The following RGPD1 variants were observed in gnomAD, a reference collection of about 807,000 sequenced individuals.
RGPD1 encodes RANBP2-like and GRIP domain-containing protein 1.
A neutral mutation model predicts 40.6 loss-of-function variants in RGPD1; 7 were observed. The observed-to-expected ratio is 0.17, with a 90% CI of 0.10 to 0.32. RGPD1 has a LOEUF of 0.32. RGPD1 is among the 10% of genes least tolerant of loss of function. The pLI, the probability that RGPD1 is intolerant of heterozygous loss-of-function variation, is 1.00. For synonymous variants in RGPD1, 24 were observed against 167.0 expected, an observed-to-expected ratio of 0.14 and a Z score of 6.60; for missense variants, 50 against 472.5, an observed-to-expected ratio of 0.11 and a Z score of 8.29.
At chr2:86,931,277 A>C (rs1444166175) in intron 1 of RGPD1, among the ~76,000 whole-genome samples, 1 of 151,238 alleles carries the variant, frequency 6.6e-6, no homozygotes, top group Non-Finnish European at 1.5e-5. Context: ...CAAACTACTC[A>C]CCCCCATATT....
intron 1 of RGPD1, among the ~76,000 whole-genome samples, chr2:86,926,406 GAA>G (rs1332571437): frequency 6.7e-6 from 1 of 150,254 alleles, no homozygotes; most frequent in Non-Finnish European, 1.5e-5. Flanking sequence ...GTGTACTGGG[GAA>G]AAAGATAATT....
chr2:86,947,921 A>T (rs1252186161), intron 1 of RGPD1, among the ~76,000 whole-genome samples: 1 of 101,232 alleles, frequency 9.9e-6, no homozygotes, highest in Non-Finnish European at 2.1e-5. Flanking sequence ...ACAGAGCGAG[A>T]CTCCGTTTGA....
At chr2:86,960,644 C>A (rs1226097288) in intron 6 of RGPD1, among the ~76,000 whole-genome samples, 1 of 125,028 alleles carries the variant, frequency 8.0e-6, no homozygotes, top group African/African-American at 4.1e-5. Context: ...GGCTGGAGTG[C>A]AGTGGTGCCA....
intron 1 of RGPD1, among the ~76,000 whole-genome samples, chr2:86,919,861 T>C (rs1031642426): frequency 6.8e-6 from 1 of 146,316 alleles, no homozygotes; most frequent in African/African-American, 2.6e-5. Flanking sequence ...AGATTTTTGC[T>C]TAGTTTTGTT....
chr2:86,971,130 G>A (rs1452361853), intron 8 of RGPD1, among the ~76,000 whole-genome samples: 11 of 30,538 alleles, frequency 3.6e-4, no homozygotes, highest in South Asian at 1.5e-3. Flanking sequence ...CGCCTCCCGG[G>A]TTCACGCCAT....
At chr2:86,942,552 G>C (rs1258292997) in intron 1 of RGPD1, among the ~76,000 whole-genome samples, 1 of 130,130 alleles carries the variant, frequency 7.7e-6, no homozygotes, top group South Asian at 2.3e-4. Flanking sequence ...CGGCGGCGGC[G>C]GCCTCGACGT....
intron 1 of RGPD1, among the ~76,000 whole-genome samples, chr2:86,915,019 G>T (rs540348637): frequency 6.7e-6 from 1 of 150,254 alleles, no homozygotes; most frequent in East Asian, 2.0e-4. Context: ...ATGCCTGCTG[G>T]GCATGGTGGC....
chr2:86,927,173 A>G (rs1317582595), intron 1 of RGPD1, among the ~76,000 whole-genome samples: 1 of 151,746 alleles, frequency 6.6e-6, no homozygotes, highest in Non-Finnish European at 1.5e-5. Flanking sequence ...GCTCCACACA[A>G]TATCTGGTGT....
In RGPD1 at chr2:86,942,426, T is replaced by C. The variant is rs1274171740; in HGVS notation, c.72+118T>C. 34 of 1,105,262 alleles carry C rather than the reference T, an allele frequency of 3.1e-5. 4 individuals are homozygous for C. Among genetic ancestry groups the C allele is most frequent in the Admixed American group, 4.0e-5 (1 of 25,182 alleles). 68.5% of individuals were successfully genotyped at this position (1,105,262 alleles called of 1,614,324 possible). Reference sequence around the variant, plus strand: ...GCCTCGATGGCTCAGGCGTCATGGCTCCCGACGGGCGCTGCTCCCTGGCGC... The same window carrying C: ...GCCTCGATGGCTCAGGCGTCATGGCCCCCGACGGGCGCTGCTCCCTGGCGC... On this transcript the variant is annotated intron_variant, in intron 1 of 22. Coordinates refer to ENST00000641458, the MANE Select transcript of RGPD1 (RefSeq NM_001382344.1).
intron 1 of RGPD1, among the ~76,000 whole-genome samples, chr2:86,943,060 C>T (rs1012325283): frequency 6.6e-6 from 1 of 151,120 alleles, no homozygotes; most frequent in Admixed American, 6.6e-5. Flanking sequence ...CGGCGGAGGT[C>T]GTACCTCCTT....
intron 21 of RGPD1, among the ~76,000 whole-genome samples, chr2:86,997,112 T>C (rs1681810084): frequency 6.7e-6 from 1 of 149,750 alleles, no homozygotes; most frequent in Non-Finnish European, 1.5e-5. Context: ...CTTGGTAAGC[T>C]GCTGGACTGA....
rs1679113112 is a variant in RGPD1, at chr2:86,933,336, A to G, written c.73-17960A>G. 2.0e-5 allele frequency among the ~76,000 whole-genome samples: 3 copies of G among 150,216 alleles called. No homozygotes were observed. The South Asian group carries it at 6.3e-4, about 32-fold the overall frequency. On this transcript the variant is annotated intron_variant, in intron 1 of 22. Coordinates refer to the RGPD1 transcript ENST00000398193. ...GAAAAAAAAGGAAGAAAAAAACTTC[A>G]TGGTATAAAACAACTAAAAATTAAA...
At chr2:86,914,239 C>CCTT (rs1677624027) in intron 1 of RGPD1, among the ~76,000 whole-genome samples, 1 of 7,644 alleles carries the variant, frequency 1.3e-4, no homozygotes, top group Non-Finnish European at 4.3e-4. Flanking sequence ...CCTGGCCGGG[C>CCTT]GGCGGCGGCG....
upstream of RGPD1, among the ~76,000 whole-genome samples, chr2:86,941,502 C>T (rs931836037): frequency 6.7e-6 from 1 of 149,022 alleles, no homozygotes; most frequent in African/African-American, 2.5e-5. Context: ...GCCTCGACCT[C>T]CCAAAGTGCT....
At chr2:86,942,734 C>T (rs963543320) in intron 1 of RGPD1, among the ~76,000 whole-genome samples, 1 of 150,508 alleles carries the variant, frequency 6.6e-6, no homozygotes, top group South Asian at 2.1e-4. Flanking sequence ...ATGGCTCAGG[C>T]GTCATGGCTC....
Position 86,942,348 on chromosome 2 carries a change from C to T in RGPD1, c.72+40C>T, listed in dbSNP as rs564118497. The T allele has an allele frequency of 1.8e-3, 1,532 of 841,618 alleles. 75 individuals are homozygous for T. In the African/African-American group the frequency reaches 0.025, roughly 14 times the overall value. The allele number at this position is 841,618 out of a possible 1,614,324, so 52.1% of individuals were successfully genotyped here. On this transcript the variant is annotated intron_variant, in intron 1 of 22. Transcript: ENST00000641458. ...AAGAGACCGACGGCCTCGACCTGGC[C>T]GGGCGGCGGCCTCGACCTGGCCGGG...
intron 1 of RGPD1, among the ~76,000 whole-genome samples, chr2:86,920,124 C>T (rs2104665256): frequency 6.6e-6 from 1 of 152,012 alleles, no homozygotes; most frequent in Middle Eastern, 3.4e-3. Flanking sequence ...GGCTGGAATG[C>T]AGTGGCGTTA....
At chr2:86,924,856 GC>G (rs1678356301) in intron 1 of RGPD1, among the ~76,000 whole-genome samples, 1 of 149,888 alleles carries the variant, frequency 6.7e-6, no homozygotes, top group Non-Finnish European at 1.5e-5. Flanking sequence ...GAAAATTCAC[GC>G]CTGTAATCAC....
chr2:86,940,845 A>G (rs1434560466), upstream of RGPD1, among the ~76,000 whole-genome samples: 1 of 151,656 alleles, frequency 6.6e-6, no homozygotes, highest in Non-Finnish European at 1.5e-5. Flanking sequence ...AGTGAAAGAA[A>G]TCAACTACCT....
Sources: allele counts gnomAD v4.1 joint callset (sites outside exome capture counted in the v4.1 genomes callset), GRCh38; gene constraint gnomAD v4.1.1; transcripts MANE v1.5; gene names NCBI Gene and HGNC (gene_info 2026-07-23, HGNC 2026-07-21).